The following GALNT7 variants were observed in gnomAD, a reference collection of about 807,000 sequenced individuals.
GALNT7 encodes the protein N-acetylgalactosaminyltransferase 7.
Under a neutral mutation model 82.1 loss-of-function variants are expected in GALNT7, and 60 were observed. The ratio of observed to expected loss-of-function variants is 0.73; its 90% CI spans 0.59 to 0.91. The LOEUF (loss-of-function observed/expected upper bound fraction) is 0.91, where lower values mean the gene tolerates loss of function less well. GALNT7 is among the 40% of genes least tolerant of loss of function. The pLI is 0.00. For missense variants in GALNT7, 660 were observed against 804.2 expected, an observed-to-expected ratio of 0.82 and a Z score of 2.17; for synonymous variants, 243 against 275.1, an observed-to-expected ratio of 0.88 and a Z score of 1.15.
chr4:173,201,407 G>C (rs1421733230), intron 1 of GALNT7, among the ~76,000 whole-genome samples: 1 of 152,080 alleles, frequency 6.6e-6, no homozygotes, highest in Non-Finnish European at 1.5e-5. Flanking sequence ...AAATTTCCAA[G>C]TACTTGCTGT....
intron 1 of GALNT7, among the ~76,000 whole-genome samples, chr4:173,227,015 A>G (rs569446815): frequency 6.6e-6 from 1 of 152,334 alleles, no homozygotes; most frequent in Admixed American, 6.5e-5. Flanking sequence ...TGGAAATGAA[A>G]TGCCTTAAAA....
chr4:173,306,349 G>A (rs1190048398), intron 8 of GALNT7, among the ~76,000 whole-genome samples: 1 of 151,528 alleles, frequency 6.6e-6, no homozygotes, highest in Non-Finnish European at 1.5e-5. Flanking sequence ...TTTCTGATTT[G>A]GATGTCTTTT....
chr4:173,265,844 A>G (rs1247064342), intron 2 of GALNT7, among the ~76,000 whole-genome samples: 1 of 151,998 alleles, frequency 6.6e-6, no homozygotes, highest in Non-Finnish European at 1.5e-5. Flanking sequence ...TAAACTGCTT[A>G]TCAGAATGGA....
At chr4:173,272,045 T>C (rs894998936) in intron 2 of GALNT7, among the ~76,000 whole-genome samples, 5 of 152,214 alleles carry the variant, frequency 3.3e-5, no homozygotes, top group Admixed American at 3.3e-4. Flanking sequence ...TCATTGATTA[T>C]TTCAAGAGGA....
chr4:173,249,916 A>C (rs936187375), intron 2 of GALNT7, among the ~76,000 whole-genome samples: 1 of 152,314 alleles, frequency 6.6e-6, no homozygotes, highest in East Asian at 1.9e-4. Context: ...TGCAGCACTC[A>C]GTCAGATCCC....
chr4:173,279,218 T>C (rs1034957490), intron 2 of GALNT7, among the ~76,000 whole-genome samples: 2 of 152,108 alleles, frequency 1.3e-5, no homozygotes, highest in African/African-American at 4.8e-5. Context: ...CTCAGGAAGC[T>C]TACAATCATG....
At chr4:173,170,475 T>A (rs1018680651) in intron 1 of GALNT7, among the ~76,000 whole-genome samples, 4 of 152,190 alleles carry the variant, frequency 2.6e-5, no homozygotes, top group African/African-American at 4.8e-5. Flanking sequence ...TCTGGAAGTT[T>A]TAGTATTTGA....
At chr4:173,223,343 A>G (rs1733701882) in intron 1 of GALNT7, among the ~76,000 whole-genome samples, 2 of 152,214 alleles carry the variant, frequency 1.3e-5, no homozygotes, top group South Asian at 2.1e-4. Flanking sequence ...ATTAAGTGAT[A>G]GAGTTTTTTT....
chr4:173,219,879 A>C (rs74762206), intron 1 of GALNT7, among the ~76,000 whole-genome samples: 5,021 of 151,946 alleles, frequency 0.033, 274 homozygotes, highest in African/African-American at 0.11. Flanking sequence ...TTCCTTGTAG[A>C]TTCTGGATAT....
intron 1 of GALNT7, among the ~76,000 whole-genome samples, chr4:173,234,373 A>G (rs1359571032): frequency 3.3e-5 from 5 of 152,150 alleles, no homozygotes; most frequent in Non-Finnish European, 7.3e-5. Context: ...TCACTGAGCT[A>G]TAAATTCTGT....
intron 2 of GALNT7, among the ~76,000 whole-genome samples, chr4:173,269,669 G>C (rs894237883): frequency 2.6e-5 from 4 of 152,046 alleles, no homozygotes; most frequent in Admixed American, 2.6e-4. Flanking sequence ...TAATATCCTG[G>C]TAACTAGCTT....
At chr4:173,196,740 C>A (rs762724136) in intron 1 of GALNT7, among the ~76,000 whole-genome samples, 4 of 152,066 alleles carry the variant, frequency 2.6e-5, no homozygotes, top group African/African-American at 7.2e-5. Context: ...ACCCACCATG[C>A]GTCCATGTGT....
At chr4:173,178,744 C>G (rs528193767) in intron 1 of GALNT7, among the ~76,000 whole-genome samples, 1 of 152,276 alleles carries the variant, frequency 6.6e-6, no homozygotes, top group South Asian at 2.1e-4. Context: ...TGCAGAGCAG[C>G]CTGGTTTCCC....
intron 1 of GALNT7, among the ~76,000 whole-genome samples, chr4:173,188,152 A>G (rs1054551641): frequency 1.3e-5 from 2 of 152,136 alleles, no homozygotes; most frequent in Non-Finnish European, 2.9e-5. Context: ...CTTATACTGA[A>G]CTCTTAGGTA....
chr4:173,175,656 A>G (rs1161043469), intron 1 of GALNT7, among the ~76,000 whole-genome samples: 2 of 152,226 alleles, frequency 1.3e-5, no homozygotes, highest in Admixed American at 6.5e-5. Flanking sequence ...ATCGGTGTGT[A>G]ACCCTGTCAT....
chr4:173,232,699 G>A (rs1462391511), intron 1 of GALNT7, among the ~76,000 whole-genome samples: 2 of 152,178 alleles, frequency 1.3e-5, no homozygotes, highest in African/African-American at 4.8e-5. Flanking sequence ...GCCTCCCAGA[G>A]TGCTGGGATT....
chr4:173,255,527 T>C (rs1735006812), intron 2 of GALNT7, among the ~76,000 whole-genome samples: 1 of 152,024 alleles, frequency 6.6e-6, no homozygotes, highest in East Asian at 1.9e-4. Context: ...GGAGACTAGT[T>C]TGAAAAATAT....
At chr4:173,183,617 C>A (rs562669580) in intron 1 of GALNT7, among the ~76,000 whole-genome samples, 2 of 152,162 alleles carry the variant, frequency 1.3e-5, no homozygotes, top group African/African-American at 4.8e-5. Flanking sequence ...CTTTTCTATT[C>A]GACAAAACCG....
intron 9 of GALNT7, among the ~76,000 whole-genome samples, chr4:173,315,485 A>G (rs2126871176): frequency 6.6e-6 from 1 of 152,286 alleles, no homozygotes; most frequent in Non-Finnish European, 1.5e-5. Context: ...ATCAGCAGGT[A>G]GGTCGTTTCA....
Sources: allele counts gnomAD v4.1 joint callset (sites outside exome capture counted in the v4.1 genomes callset), GRCh38; gene constraint gnomAD v4.1.1; transcripts MANE v1.5; gene names NCBI Gene and HGNC (gene_info 2026-07-23, HGNC 2026-07-21).